The following SIL1 variants were observed in gnomAD, a reference collection of about 807,000 sequenced individuals.
SIL1 encodes the protein SIL1 nucleotide exchange factor.
Under a neutral mutation model 49.1 loss-of-function variants are expected in SIL1, and 40 were observed. The ratio of observed to expected loss-of-function variants is 0.81; its 90% CI spans 0.63 to 1.06. The LOEUF (loss-of-function observed/expected upper bound fraction) is 1.06. SIL1 is among the 50% of genes least tolerant of loss of function. The pLI is 0.00. For missense variants in SIL1, 500 were observed against 572.6 expected, an observed-to-expected ratio of 0.87 and a Z score of 1.29; for synonymous variants, 253 against 250.8, an observed-to-expected ratio of 1.01 and a Z score of -0.08.
At chr5:139,112,687 G>A (rs1397815729) in intron 3 of SIL1, among the ~76,000 whole-genome samples, 3 of 148,006 alleles carry the variant, frequency 2.0e-5, no homozygotes, top group South Asian at 4.3e-4. Flanking sequence ...GGTGGCGGGC[G>A]CCTCCGCCCG....
At chr5:138,999,520 G>A (rs1231482626) in intron 7 of SIL1, among the ~76,000 whole-genome samples, 1 of 152,162 alleles carries the variant, frequency 6.6e-6, no homozygotes, top group Non-Finnish European at 1.5e-5. Flanking sequence ...ATATTAGCCA[G>A]GCATGGTAGA....
chr5:138,958,785 G>A (rs939613745), intron 7 of SIL1, among the ~76,000 whole-genome samples: 1 of 151,430 alleles, frequency 6.6e-6, no homozygotes, highest in African/African-American at 2.4e-5. Context: ...GATAAGGGAT[G>A]TTCAACCTGT....
Position 138,946,780 on chromosome 5 carries a change from C to A in SIL1, c.*337G>T. ...GACAGATGAGGAAACAAGCTCAGAG[C>A]AATTAAGCGACTTCCCAAGGTACAG... On this transcript the variant is annotated 3_prime_UTR_variant, in exon 10 of 10. Transcript: ENST00000394817. 1 of 358,314 alleles carries A rather than the reference C, an allele frequency of 2.8e-6. No homozygotes were observed. The allele number at this position is 358,314 out of a possible 1,614,324, so 22.2% of individuals were successfully genotyped here. A position where few individuals can be genotyped will look rare whatever the true frequency, so the allele number is the denominator to read the frequency against.
intron 7 of SIL1, among the ~76,000 whole-genome samples, chr5:138,979,845 G>A (rs773759875): frequency 7.2e-5 from 11 of 152,330 alleles, no homozygotes; most frequent in Admixed American, 3.3e-4. Flanking sequence ...ACAAGAGCAT[G>A]GGGGCAGTGT....
chr5:139,050,919 C>T lies in SIL1; in HGVS notation c.353+19G>A, dbSNP rs528338756. On this transcript the variant is annotated intron_variant, in intron 4 of 9. Transcript: ENST00000394817. ...AACGTTATCACTTAGCCTCCCAGTCCCTAGGGTTGACACTGTACCTTTTGC... is the reference window on the plus strand; with the variant it reads ...AACGTTATCACTTAGCCTCCCAGTCTCTAGGGTTGACACTGTACCTTTTGC... 5.1e-5 allele frequency: 81 copies of T among 1,599,554 alleles called. 1 individual carries two copies. The East Asian group carries it at 1.4e-3, about 27-fold the overall frequency.
chr5:139,021,274 GGTCCTGCGCATT>G lies in SIL1; in HGVS notation c.652_663del (p.Asn218_Asp221del). 6.2e-7 allele frequency: 1 copy of G among 1,614,118 alleles called. No homozygotes were observed. The highest frequency in any genetic ancestry group is 8.5e-7 in the Non-Finnish European group (1 of 1,180,028). On this transcript the variant is annotated inframe_deletion, in exon 7 of 10. Transcript: ENST00000394817. ...ACTTGAAGACCACCAAAGGAAAGCA[GGTCCTGCGCATT>G]GTCCATCTGCAACAGAGCCACTGCT...
intron 1 of SIL1, among the ~76,000 whole-genome samples, chr5:139,168,971 A>C (rs1418849584): frequency 2.0e-5 from 3 of 152,010 alleles, no homozygotes; most frequent in Non-Finnish European, 4.4e-5. Context: ...AAAAAAAAAA[A>C]AAACTGAATT....
intron 1 of SIL1, among the ~76,000 whole-genome samples, chr5:139,134,943 AT>A (rs1407780883): frequency 7.2e-5 from 11 of 152,254 alleles, no homozygotes; most frequent in Admixed American, 6.5e-4. Context: ...GCAGACAAAT[AT>A]GAAGCTGGAG....
intron 4 of SIL1, among the ~76,000 whole-genome samples, chr5:139,048,139 T>C (rs962709105): frequency 6.6e-6 from 1 of 152,132 alleles, no homozygotes; most frequent in Admixed American, 6.6e-5. Context: ...ATTTTATTTT[T>C]TATTTATATA....
At chr5:139,190,447 G>A (rs550688883) in intron 1 of SIL1, among the ~76,000 whole-genome samples, 8 of 152,300 alleles carry the variant, frequency 5.3e-5, no homozygotes, top group Admixed American at 5.2e-4. Flanking sequence ...GCAGTAAGTG[G>A]AGACAGGGCC....
intron 3 of SIL1, among the ~76,000 whole-genome samples, chr5:139,069,297 A>C (rs1176633644): frequency 6.6e-6 from 1 of 152,040 alleles, no homozygotes; most frequent in Non-Finnish European, 1.5e-5. Flanking sequence ...CTAAAAAAAA[A>C]TTAAATAAAA....
Position 139,156,281 on chromosome 5 carries a change from G to T in SIL1, c.-10-28428C>A, listed in dbSNP as rs536429203. Among the ~76,000 whole-genome samples, 3 of 152,202 alleles carry T rather than the reference G, an allele frequency of 2.0e-5. No individual in the cohort carries two copies. In the South Asian group the frequency reaches 6.2e-4, roughly 32 times the overall value. Reference sequence around the variant, plus strand: ...ATAATCATTTTTATTTTACAGATAAGAAAATAAGTTCACACTGATGAAAGT... The same window carrying T: ...ATAATCATTTTTATTTTACAGATAATAAAATAAGTTCACACTGATGAAAGT... On this transcript the variant is annotated intron_variant, in intron 1 of 9. Transcript: ENST00000394817.
intron 7 of SIL1, among the ~76,000 whole-genome samples, chr5:138,975,536 T>C (rs990431742): frequency 1.3e-5 from 2 of 152,162 alleles, no homozygotes; most frequent in Admixed American, 6.5e-5. Flanking sequence ...AGATACTAGG[T>C]GTGGTGCCAG....
At chr5:139,170,875 G>C (rs1240643706) in intron 1 of SIL1, among the ~76,000 whole-genome samples, 37 of 139,700 alleles carry the variant, frequency 2.6e-4, no homozygotes, top group East Asian at 9.1e-4. Context: ...GGTGAGGGGC[G>C]CCTCTGCCCA....
At chr5:139,014,253 G>A (rs527777339) in intron 7 of SIL1, 2 of 152,126 alleles carry the variant, frequency 1.3e-5, no homozygotes, top group East Asian at 3.9e-4. Context: ...TGTAATCCCA[G>A]CTACTCGGGA....
At chr5:139,121,808 TC>T (rs1487801463) in intron 2 of SIL1, among the ~76,000 whole-genome samples, 5 of 152,128 alleles carry the variant, frequency 3.3e-5, no homozygotes, top group African/African-American at 1.2e-4. Context: ...GGAAACCACT[TC>T]CTAAAACCTG....
At chr5:139,090,707 C>T (rs1319537961) in intron 3 of SIL1, among the ~76,000 whole-genome samples, 2 of 152,086 alleles carry the variant, frequency 1.3e-5, no homozygotes, top group Admixed American at 6.5e-5. Flanking sequence ...TGGGCCCAAG[C>T]GATTCTCCCA....
chr5:139,069,195 G>A (rs1317015841), intron 3 of SIL1, among the ~76,000 whole-genome samples: 1 of 152,016 alleles, frequency 6.6e-6, no homozygotes, highest in Non-Finnish European at 1.5e-5. Flanking sequence ...GGCTGAGGTG[G>A]GAGGATCACT....
At chr5:139,092,796 T>A (rs1272843075) in intron 3 of SIL1, among the ~76,000 whole-genome samples, 4 of 152,356 alleles carry the variant, frequency 2.6e-5, no homozygotes, top group African/African-American at 9.6e-5. Flanking sequence ...CTTTGGGAAG[T>A]ATATTCTATG....
Sources: allele counts gnomAD v4.1 joint callset (sites outside exome capture counted in the v4.1 genomes callset), GRCh38; gene constraint gnomAD v4.1.1; transcripts MANE v1.5; gene names NCBI Gene and HGNC (gene_info 2026-07-23, HGNC 2026-07-21).